The following RP1 variants were observed in gnomAD, a reference collection of about 807,000 sequenced individuals.
RP1 encodes RP1 axonemal microtubule associated.
In RP1, 16 loss-of-function variants were observed where a neutral mutation model predicts 14.8. The observed-to-expected ratio is 1.08, with a 90% CI of 0.73 to 1.65. RP1 has a LOEUF of 1.65. Ranked by LOEUF, RP1 falls within the 40% of genes most tolerant of loss-of-function variation. The pLI is 0.00. For missense variants in RP1, 2,631 were observed against 2,535.0 expected, an observed-to-expected ratio of 1.04 and a Z score of -0.81; for synonymous variants, 876 against 883.6, an observed-to-expected ratio of 0.99 and a Z score of 0.15.
intron 24 of RP1, among the ~76,000 whole-genome samples, chr8:54,830,847 C>G (rs557431178): frequency 6.6e-6 from 1 of 152,212 alleles, no homozygotes; most frequent in East Asian, 1.9e-4. Context: ...TGTACACATT[C>G]AGCAATTACT....
chr8:54,773,453 A>G (rs868819658), downstream of RP1, among the ~76,000 whole-genome samples: 6 of 152,062 alleles, frequency 3.9e-5, no homozygotes, highest in Non-Finnish European at 5.9e-5. Flanking sequence ...CCTGGCCAAC[A>G]TGGTGAAACT....
chr8:54,802,102 C>T (rs553138922), intron 24 of RP1, among the ~76,000 whole-genome samples: 6 of 152,144 alleles, frequency 3.9e-5, no homozygotes, highest in African/African-American at 1.4e-4. Context: ...AGTAACCCAG[C>T]CAGGCAAATA....
chr8:54,622,943 C>T (rs945673875), intron 3 of RP1, among the ~76,000 whole-genome samples: 1 of 152,180 alleles, frequency 6.6e-6, no homozygotes, highest in African/African-American at 2.4e-5. Context: ...TGGCTAATCT[C>T]ATTATTCATT....
chr8:54,728,789 T>C (rs1175938319), intron 17 of RP1, among the ~76,000 whole-genome samples: 1 of 152,092 alleles, frequency 6.6e-6, no homozygotes, highest in African/African-American at 2.4e-5. Context: ...AGGAATCTTA[T>C]TTTTTTAGAA....
intron 7 of RP1, chr8:54,663,872 T>G (rs1330310087): frequency 6.0e-6 from 9 of 1,503,680 alleles, no homozygotes; most frequent in Non-Finnish European, 7.0e-6. Context: ...GCCCTTTGAT[T>G]TTAAAAAGAT....
intron 3 of RP1, 56 bp from the exon 4 acceptor site, chr8:54,624,614 C>T: frequency 6.4e-7 from 1 of 1,564,914 alleles, no homozygotes; most frequent in Non-Finnish European, 8.8e-7. Context: ...TCTAACTTCT[C>T]TGCCTTCCAT....
Position 54,816,014 on chromosome 8 carries a change from C to G in RP1, c.3616-21436C>G, listed in dbSNP as rs537886555. On this transcript the variant is annotated intron_variant, in intron 24 of 28. Transcript: ENST00000637698. ...TTTCTGAGCCTTACAGATCTCTTAC[C>G]TACTAGCTTTGTGATGATTGCTGAG... 1.4e-4 allele frequency among the ~76,000 whole-genome samples: 22 copies of G among 152,240 alleles called. No individual in the cohort carries two copies. The East Asian group carries it at 3.9e-3, about 27-fold the overall frequency.
intron 24 of RP1, among the ~76,000 whole-genome samples, chr8:54,794,584 A>G (rs1279337992): frequency 6.6e-6 from 1 of 152,038 alleles, no homozygotes; most frequent in East Asian, 1.9e-4. Context: ...TTTCACAAAA[A>G]TTAATTATAA....
intron 25 of RP1, among the ~76,000 whole-genome samples, chr8:54,839,462 G>A (rs1811741673): frequency 6.6e-6 from 1 of 152,184 alleles, no homozygotes; most frequent in African/African-American, 2.4e-5. Context: ...TAGGGGTCCT[G>A]TTCTTTAGAA....
At chr8:54,835,888 A>AT (rs562593509) in intron 24 of RP1, among the ~76,000 whole-genome samples, 1 of 151,968 alleles carries the variant, frequency 6.6e-6, no homozygotes, top group Non-Finnish European at 1.5e-5. Context: ...TTTAAGGGGG[A>AT]TTTTAGGAGT....
intron 21 of RP1, among the ~76,000 whole-genome samples, chr8:54,757,635 C>A (rs1809541023): frequency 6.6e-6 from 1 of 152,216 alleles, no homozygotes; most frequent in African/African-American, 2.4e-5. Context: ...CCAGGGGAAG[C>A]CCTCAGACAC....
intron 1 of RP1, among the ~76,000 whole-genome samples, chr8:54,583,447 T>C (rs1804845540): frequency 6.6e-6 from 1 of 152,210 alleles, no homozygotes; most frequent in Admixed American, 6.5e-5. Flanking sequence ...TCAGGAATAT[T>C]GGTCCAAAAT....
intron 25 of RP1, among the ~76,000 whole-genome samples, chr8:54,846,077 T>C (rs1174865563): frequency 6.6e-6 from 1 of 152,162 alleles, no homozygotes; most frequent in Non-Finnish European, 1.5e-5. Flanking sequence ...CACTTTACCT[T>C]GTGTAATCAG....
At chr8:54,845,186 A>T (rs141110811) in intron 25 of RP1, among the ~76,000 whole-genome samples, 5 of 152,276 alleles carry the variant, frequency 3.3e-5, no homozygotes, top group African/African-American at 7.2e-5. Flanking sequence ...ACAAGTTCCA[A>T]TGACTATCGG....
rs754107479 is a variant in RP1, at chr8:54,626,218, C to A, written c.2336C>A (p.Ser779Tyr). The A allele has an allele frequency of 4.3e-6, 7 of 1,610,182 alleles. No homozygotes were observed. Among genetic ancestry groups the A allele is most frequent in the Non-Finnish European group, 5.1e-6 (6 of 1,178,868 alleles). ...CAAGGACTTTTAACCAAAAGAAAAT[C>A]TAGATCACTAAATAAAATAAGCTTA... Reference protein sequence around the residue: ...KVQGLLTKRKSRSLNKISLGA... With the variant: ...KVQGLLTKRKYRSLNKISLGA... Residue 779 changes from serine to tyrosine, a missense_variant, in exon 4 of 4, where the codon TCT (serine) becomes TAT (tyrosine). Transcript: ENST00000220676.
chr8:54,848,255 T>G (rs1195579587), intron 25 of RP1, among the ~76,000 whole-genome samples: 1 of 152,214 alleles, frequency 6.6e-6, no homozygotes, highest in Non-Finnish European at 1.5e-5. Flanking sequence ...AATTTCCACC[T>G]GCTTCTGCAC....
intron 1 of RP1, among the ~76,000 whole-genome samples, chr8:54,597,503 G>C (rs1471825334): frequency 2.6e-5 from 4 of 152,096 alleles, no homozygotes; most frequent in African/African-American, 9.7e-5. Flanking sequence ...ACAGGACTGG[G>C]AATTATGGCT....
chr8:54,695,707 G>A (rs1807842972), intron 12 of RP1, among the ~76,000 whole-genome samples: 1 of 152,086 alleles, frequency 6.6e-6, no homozygotes, highest in Admixed American at 6.6e-5. Flanking sequence ...TTATTGATGA[G>A]GAAATTGACA....
At chr8:54,682,887 G>C (rs1807469959) in intron 12 of RP1, among the ~76,000 whole-genome samples, 1 of 152,088 alleles carries the variant, frequency 6.6e-6, no homozygotes, top group Non-Finnish European at 1.5e-5. Flanking sequence ...CCTGTGTCCT[G>C]AATAGTATTG....
Sources: gnomAD v4.1 joint callset for allele counts (sites outside exome capture counted in the v4.1 genomes callset) on GRCh38, gnomAD v4.1.1 for gene constraint, MANE v1.5 for transcripts, NCBI Gene and HGNC (gene_info 2026-07-23, HGNC 2026-07-21) for gene names.